Variants in HPSE2 observed in about 807,000 individuals in gnomAD.
HPSE2 encodes the protein inactive heparanase-2.
Under a neutral mutation model 60.5 loss-of-function variants are expected in HPSE2, and 38 were observed. The observed-to-expected ratio is 0.63, with a 90% CI of 0.48 to 0.82. The LOEUF is 0.82. Among genes scored for constraint, HPSE2 ranks in the 40% least tolerant of loss-of-function variants. The probability of loss-of-function intolerance (pLI) is 0.00; values close to 1 mark genes in which losing one functional copy is unlikely to be tolerated. For synonymous variants in HPSE2, 295 were observed against 293.2 expected (o/e 1.01, Z -0.06); for missense variants, 713 against 740.4 (o/e 0.96, Z 0.43).
chr10:99,042,367 G>A (rs1284269215), intron 3 of HPSE2, among the ~76,000 whole-genome samples: 1 of 152,092 alleles, frequency 6.6e-6, no homozygotes, highest in African/African-American at 2.4e-5. Context: ...GGCAGAAGCA[G>A]CTCTGCATTT....
At chr10:99,002,153 AC>A (rs1161458345) in intron 3 of HPSE2, among the ~76,000 whole-genome samples, 1 of 152,176 alleles carries the variant, frequency 6.6e-6, no homozygotes, top group Non-Finnish European at 1.5e-5. Flanking sequence ...AATTTGAACA[AC>A]AAAATAAAGT....
chr10:99,099,303 G>A (rs1027268109), intron 3 of HPSE2, among the ~76,000 whole-genome samples: 6 of 152,214 alleles, frequency 3.9e-5, no homozygotes, highest in Admixed American at 6.5e-5. Flanking sequence ...CTAATACTGC[G>A]CTTTTCCAAC....
At chr10:98,621,849 A>G (rs1449166015) in intron 7 of HPSE2, among the ~76,000 whole-genome samples, 1 of 152,222 alleles carries the variant, frequency 6.6e-6, no homozygotes, top group African/African-American at 2.4e-5. Flanking sequence ...GTACACTGAC[A>G]CCTAGCTGGC....
intron 3 of HPSE2, among the ~76,000 whole-genome samples, chr10:99,119,676 T>C (rs1159724864): frequency 1.3e-5 from 2 of 152,082 alleles, no homozygotes; most frequent in African/African-American, 2.4e-5. Flanking sequence ...CATTACATCA[T>C]ACTACCTGAC....
At chr10:98,484,092 A>G (rs1941347858) in intron 10 of HPSE2, among the ~76,000 whole-genome samples, 1 of 152,182 alleles carries the variant, frequency 6.6e-6, no homozygotes, top group East Asian at 1.9e-4. Context: ...TGTATTTTTA[A>G]AAATTAATAC....
chr10:98,486,061 C>T (rs1007768351), intron 10 of HPSE2, among the ~76,000 whole-genome samples: 6 of 152,174 alleles, frequency 3.9e-5, no homozygotes, highest in Non-Finnish European at 8.8e-5. Context: ...TATAGAGGCT[C>T]TCAGAACTCA....
intron 3 of HPSE2, among the ~76,000 whole-genome samples, chr10:98,820,637 C>A (rs536572513): frequency 6.6e-6 from 1 of 152,276 alleles, no homozygotes; most frequent in African/African-American, 2.4e-5. Context: ...ATCATCAGCT[C>A]TCTTTCTTCA....
intron 3 of HPSE2, among the ~76,000 whole-genome samples, chr10:98,890,717 C>A (rs1953310493): frequency 1.3e-5 from 2 of 152,116 alleles, no homozygotes; most frequent in Non-Finnish European, 1.5e-5. Flanking sequence ...AGTTTTAACT[C>A]CCTTGGGGTT....
At chr10:98,772,373 T>C (rs912156979) in intron 3 of HPSE2, among the ~76,000 whole-genome samples, 3 of 152,154 alleles carry the variant, frequency 2.0e-5, no homozygotes, top group Non-Finnish European at 4.4e-5. Context: ...TCCTGATCCT[T>C]TGCTAGTTAG....
intron 3 of HPSE2, among the ~76,000 whole-genome samples, chr10:98,971,069 A>G (rs1014593331): frequency 3.9e-4 from 58 of 146,848 alleles, no homozygotes; most frequent in Non-Finnish European, 1.2e-4. Flanking sequence ...GCAGTTTAAA[A>G]TTTGATAACA....
chr10:98,653,731 T>C (rs867851715), intron 6 of HPSE2, among the ~76,000 whole-genome samples: 1 of 152,134 alleles, frequency 6.6e-6, no homozygotes, highest in African/African-American at 2.4e-5. Context: ...TAAACAGTTA[T>C]CTTTTAGACA....
intron 9 of HPSE2, among the ~76,000 whole-genome samples, chr10:98,592,712 T>C (rs765111636): frequency 1.3e-5 from 2 of 152,188 alleles, no homozygotes; most frequent in South Asian, 2.1e-4. Context: ...AGTCATTGAA[T>C]TGGTGTTTCT....
chr10:99,217,006 C>CA (rs1849151745), intron 2 of HPSE2, among the ~76,000 whole-genome samples: 1 of 152,040 alleles, frequency 6.6e-6, no homozygotes, highest in Admixed American at 6.5e-5. Context: ...TAACCCATAA[C>CA]AGTTTATTTA....
intron 3 of HPSE2, among the ~76,000 whole-genome samples, chr10:99,114,046 C>T (rs1306591140): frequency 4.6e-5 from 7 of 152,030 alleles, no homozygotes; most frequent in East Asian, 1.9e-4. Context: ...AACTGCAACA[C>T]GTTGAAATAC....
At chr10:99,146,926 A>T (rs1004966383) in intron 2 of HPSE2, among the ~76,000 whole-genome samples, 2 of 152,232 alleles carry the variant, frequency 1.3e-5, no homozygotes, top group Admixed American at 6.5e-5. Context: ...GAACAGAAAA[A>T]TGTAAAGAGC....
At chr10:98,847,427 A>G (rs1230833454) in intron 3 of HPSE2, among the ~76,000 whole-genome samples, 1 of 152,236 alleles carries the variant, frequency 6.6e-6, no homozygotes, top group African/African-American at 2.4e-5. Flanking sequence ...GAGGTTACAC[A>G]GGTAATAAGT....
chr10:99,202,232 G>A (rs543512119), intron 2 of HPSE2, among the ~76,000 whole-genome samples: 4 of 152,304 alleles, frequency 2.6e-5, no homozygotes, highest in East Asian at 1.9e-4. Context: ...ACCAGGAACA[G>A]AGATGATGAA....
At chr10:99,212,612 G>A (rs1202301471) in intron 2 of HPSE2, among the ~76,000 whole-genome samples, 5 of 152,140 alleles carry the variant, frequency 3.3e-5, no homozygotes, top group Non-Finnish European at 4.4e-5. Context: ...CACAGAAGCA[G>A]AGAGTAAAAT....
At chr10:98,591,163 A>G (rs939158717) in intron 9 of HPSE2, among the ~76,000 whole-genome samples, 2 of 152,156 alleles carry the variant, frequency 1.3e-5, no homozygotes, top group Non-Finnish European at 2.9e-5. Flanking sequence ...GCCACTAGCT[A>G]GCAAATTATT....
Sources: allele counts gnomAD v4.1 joint callset (sites outside exome capture counted in the v4.1 genomes callset), GRCh38; gene constraint gnomAD v4.1.1; transcripts MANE v1.5; gene names NCBI Gene and HGNC (gene_info 2026-07-23, HGNC 2026-07-21).